Variants in C10orf143 observed in about 807,000 individuals in gnomAD.
The protein encoded by C10orf143 is uncharacterized protein C10orf143.
chr10:130,100,019 G>A (rs1194292401), intron 1 of C10orf143, among the ~76,000 whole-genome samples: 5 of 150,904 alleles, frequency 3.3e-5, no homozygotes, highest in Non-Finnish European at 5.9e-5. Flanking sequence ...TGTATTTTTA[G>A]TAGAGACGGG....
intron 3 of C10orf143, among the ~76,000 whole-genome samples, chr10:130,040,203 C>T (rs1474542842): frequency 2.0e-5 from 3 of 152,248 alleles, no homozygotes; most frequent in African/African-American, 7.2e-5. Context: ...ATGCCCCCAG[C>T]CCCCAGTCCC....
intron 1 of C10orf143, among the ~76,000 whole-genome samples, chr10:130,100,606 A>C (rs1861532643): frequency 6.6e-6 from 1 of 152,262 alleles, no homozygotes; most frequent in Admixed American, 6.5e-5. Context: ...TATATGTACA[A>C]AATATTAAAC....
downstream of C10orf143, among the ~76,000 whole-genome samples, chr10:130,063,704 A>T (rs1172954629): frequency 3.3e-5 from 5 of 152,230 alleles, no homozygotes; most frequent in Non-Finnish European, 7.3e-5. Flanking sequence ...GGAGCTTACA[A>T]ACAGGACATC....
intron 3 of C10orf143, chr10:130,067,027 G>A (rs1175302104): frequency 6.6e-6 from 1 of 152,232 alleles, no homozygotes; most frequent in Non-Finnish European, 1.5e-5. Flanking sequence ...TGTTTGTGAA[G>A]AGGGAGTTTT....
At chr10:130,064,454 T>C (rs1860896410) in intron 3 of C10orf143, 71 bp from the exon 4 acceptor site, 3 of 398,068 alleles carry the variant, frequency 7.5e-6, no homozygotes, top group Non-Finnish European at 4.4e-6. Flanking sequence ...TGGCTATATA[T>C]ACATTTGCCA....
intron 3 of C10orf143, among the ~76,000 whole-genome samples, chr10:130,042,205 C>T (rs1001505321): frequency 6.6e-6 from 1 of 152,224 alleles, no homozygotes; most frequent in African/African-American, 2.4e-5. Flanking sequence ...CAGGGCTAGA[C>T]TGTTTAGGCT....
chr10:130,062,310 C>G (rs1860866088), downstream of C10orf143, among the ~76,000 whole-genome samples: 1 of 152,076 alleles, frequency 6.6e-6, no homozygotes, highest in Admixed American at 6.5e-5. Flanking sequence ...AGTATTGATC[C>G]TGGGTGTGTC....
At chr10:130,100,881 TAGA>T (rs1861537599) in intron 1 of C10orf143, among the ~76,000 whole-genome samples, 1 of 151,952 alleles carries the variant, frequency 6.6e-6, no homozygotes, top group Non-Finnish European at 1.5e-5. Flanking sequence ...GTGGGAGTTG[TAGA>T]AGGAGAGGGG....
Position 130,044,855 on chromosome 10 carries a change from C to G in C10orf143, c.298-8885G>C, listed in dbSNP as rs114889740. On this transcript the variant is annotated intron_variant and NMD_transcript_variant, in intron 3 of 5. Coordinates refer to the C10orf143 transcript ENST00000643056. ...TGGCTTGTGGGACAAGAGGTGCAAACAGAGAGGCCATTACTACCAACAGCA... is the reference window on the plus strand; with the variant it reads ...TGGCTTGTGGGACAAGAGGTGCAAAGAGAGAGGCCATTACTACCAACAGCA... Among the ~76,000 whole-genome samples the G allele has an allele frequency of 3.9e-3, 587 of 152,222 alleles. 4 individuals are homozygous for G. The highest frequency in any genetic ancestry group is 0.013 in the African/African-American group (559 of 41,544).
chr10:130,091,419 C>A (rs958486618), intron 1 of C10orf143, among the ~76,000 whole-genome samples: 1 of 152,216 alleles, frequency 6.6e-6, no homozygotes, highest in Admixed American at 6.5e-5. Context: ...AGGTCACCAA[C>A]ATCAAAGACC....
chr10:130,079,715 T>C (rs1027258118), intron 2 of C10orf143, 22 bp downstream of exon 2: 1 of 398,528 alleles, frequency 2.5e-6, no homozygotes, highest in African/African-American at 2.1e-5. Flanking sequence ...TCACAAGTAG[T>C]TTGGTGGGAA....
At chr10:130,106,033 C>T in intron 1 of C10orf143, 1 of 512,470 alleles carries the variant, frequency 2.0e-6, no homozygotes. Flanking sequence ...ACCGCCAGAG[C>T]AGCCTTGGCG....
At chr10:130,086,324 T>C (rs1454120919) in intron 1 of C10orf143, among the ~76,000 whole-genome samples, 13 of 152,224 alleles carry the variant, frequency 8.5e-5, no homozygotes, top group Non-Finnish European at 1.9e-4. Context: ...TTTCTTCTTT[T>C]AATTTAACTG....
intron 1 of C10orf143, among the ~76,000 whole-genome samples, chr10:130,083,794 G>A (rs1488470456): frequency 1.3e-5 from 2 of 152,118 alleles, no homozygotes; most frequent in East Asian, 1.9e-4. Context: ...GGAAAGGGCT[G>A]GGGAACAGGG....
Position 130,102,516 on chromosome 10 carries a change from C to T in C10orf143, c.69+8188G>A, listed in dbSNP as rs776706817. ...CTCAAATTCCTGACCTCAAGCGATC[C>T]GCCCACCTCGGCCTCCCAAAGTGCT... On this transcript the variant is annotated intron_variant, in intron 1 of 3. Transcript: ENST00000637128. Among the ~76,000 whole-genome samples, 6 of 152,266 alleles carry T rather than the reference C, an allele frequency of 3.9e-5. No homozygotes were observed. In the East Asian group the frequency reaches 5.8e-4, roughly 15 times the overall value.
intron 3 of C10orf143, among the ~76,000 whole-genome samples, chr10:130,077,367 T>C (rs569182726): frequency 7.2e-5 from 11 of 152,306 alleles, no homozygotes; most frequent in African/African-American, 2.4e-4. Flanking sequence ...TCAGATTAGC[T>C]GACATCCTAC....
intron 1 of C10orf143, chr10:130,107,800 G>A (rs765135231): frequency 4.0e-6 from 5 of 1,246,778 alleles, no homozygotes; most frequent in Non-Finnish European, 5.9e-6. Context: ...ATCCTCACAG[G>A]TCTCCTTCTG....
chr10:130,108,158 G>C (rs1343356739), intron 1 of C10orf143: 1 of 1,575,188 alleles, frequency 6.3e-7, no homozygotes, highest in African/African-American at 1.3e-5. Flanking sequence ...GTTTCCAGTG[G>C]ATACAAGGGG....
chr10:130,107,655 C>G, intron 1 of C10orf143: 2 of 1,321,288 alleles, frequency 1.5e-6, no homozygotes, highest in Non-Finnish European at 2.2e-6. Context: ...TCTCCCGCAA[C>G]TCTGTTGGAG....
Sources: gnomAD v4.1 joint callset for allele counts (sites outside exome capture counted in the v4.1 genomes callset) on GRCh38, gnomAD v4.1.1 for gene constraint, MANE v1.5 for transcripts, NCBI Gene and HGNC (gene_info 2026-07-23, HGNC 2026-07-21) for gene names.